Variants in TET3 observed in about 807,000 individuals in gnomAD.
TET3 encodes tet methylcytosine dioxygenase 3, also known as methylcytosine dioxygenase TET3.
Under a neutral mutation model 141.4 loss-of-function variants are expected in TET3, and 19 were observed. The observed-to-expected ratio is 0.13, with a 90% confidence interval of 0.09 to 0.20. The LOEUF is 0.20. TET3 is among the 10% of genes least tolerant of loss of function. TET3 has a pLI of 1.00. For synonymous variants in TET3, 1,043 were observed against 980.9 expected (o/e 1.06, Z -1.18); for missense variants, 1,874 against 2,356.9 (o/e 0.80, Z 4.24).
At chr2:74,060,904 A>G (rs1688475797) in intron 4 of TET3, among the ~76,000 whole-genome samples, 2 of 152,300 alleles carry the variant, frequency 1.3e-5, no homozygotes, top group East Asian at 1.9e-4. Context: ...AAAGTCTCCC[A>G]TGTCTACCTC....
chr2:73,987,666 G>A (rs960919285), intron 2 of TET3, among the ~76,000 whole-genome samples: 1 of 152,198 alleles, frequency 6.6e-6, no homozygotes, highest in African/African-American at 2.4e-5. Flanking sequence ...CGCTGTCTTC[G>A]AGCTCCCCCT....
At chr2:74,010,852 T>C (rs956675208) in intron 3 of TET3, among the ~76,000 whole-genome samples, 5 of 152,242 alleles carry the variant, frequency 3.3e-5, no homozygotes, top group African/African-American at 1.2e-4. Context: ...CATGAGACTG[T>C]TCCATGAGTT....
At chr2:74,052,827 G>A (rs762509787) in intron 4 of TET3, among the ~76,000 whole-genome samples, 9 of 152,110 alleles carry the variant, frequency 5.9e-5, no homozygotes, top group Non-Finnish European at 7.4e-5. Flanking sequence ...CTGAGATCAC[G>A]CCACTGCACT....
chr2:74,057,156 A>C (rs1053120136), intron 4 of TET3, among the ~76,000 whole-genome samples: 6 of 152,214 alleles, frequency 3.9e-5, no homozygotes, highest in African/African-American at 1.4e-4. Context: ...AAGAAAAAAT[A>C]TATGCTGAAC....
intron 4 of TET3, among the ~76,000 whole-genome samples, chr2:74,053,377 C>T (rs758935868): frequency 2.0e-5 from 3 of 152,120 alleles, no homozygotes; most frequent in East Asian, 1.9e-4. Flanking sequence ...CAGTTTAGGA[C>T]GGAGAATGAA....
chr2:74,014,120 T>C (rs1432861891), intron 3 of TET3, among the ~76,000 whole-genome samples: 1 of 152,186 alleles, frequency 6.6e-6, no homozygotes, highest in Non-Finnish European at 1.5e-5. Flanking sequence ...TGCTGTTTTC[T>C]AAAGTATTAA....
At chr2:74,082,333 G>C (rs543480614) in intron 6 of TET3, among the ~76,000 whole-genome samples, 39 of 152,282 alleles carry the variant, frequency 2.6e-4, no homozygotes, top group Admixed American at 2.3e-3. Flanking sequence ...GGAAGAGGAA[G>C]GCAGGAGGAT....
chr2:74,007,949 G>A (rs978661114), intron 3 of TET3, among the ~76,000 whole-genome samples: 2 of 152,192 alleles, frequency 1.3e-5, no homozygotes. Flanking sequence ...TCAGTGAGGC[G>A]AGCCAAGTGA....
chr2:74,034,258 T>A (rs1390147294), intron 3 of TET3, among the ~76,000 whole-genome samples: 3 of 151,394 alleles, frequency 2.0e-5, no homozygotes, highest in East Asian at 3.8e-4. Flanking sequence ...TTTTTTTTTT[T>A]ATGTATTACT....
chr2:74,088,139 T>A, intron 7 of TET3, 101 bp downstream of exon 7: 2 of 1,190,116 alleles, frequency 1.7e-6, no homozygotes, highest in Non-Finnish European at 2.3e-6. Flanking sequence ...CTAGGGGCCC[T>A]CTCTGCGGCA....
intron 4 of TET3, among the ~76,000 whole-genome samples, chr2:74,055,078 G>A (rs764377059): frequency 6.6e-6 from 1 of 151,986 alleles, no homozygotes; most frequent in Non-Finnish European, 1.5e-5. Context: ...TAAATTTTTT[G>A]TAGAGGAGAT....
intron 3 of TET3, among the ~76,000 whole-genome samples, chr2:74,029,653 T>C (rs1310024534): frequency 6.6e-6 from 1 of 152,158 alleles, no homozygotes; most frequent in African/African-American, 2.4e-5. Context: ...CAGTGGGAGA[T>C]TTTTACATCT....
rs1228412208 is a variant in TET3, at chr2:74,047,255, C to T, written c.1338C>T (p.Pro446=). Reference sequence around the variant, plus strand: ...GCACTGACACCCCTCCAGCAACGCCCCGGAGCTCCTGGCCCATGCCTCGCC... The same window carrying T: ...GCACTGACACCCCTCCAGCAACGCCTCGGAGCTCCTGGCCCATGCCTCGCC... The part of the protein sequence containing the change: ...AWGTDTPPAT[P]RSSWPMPRPS... The change falls in exon 4 of 12, where the codon CCC becomes CCT. Residue 446 remains proline, a synonymous_variant. Coordinates refer to ENST00000409262, the MANE Select transcript of TET3 (RefSeq NM_001287491.2). 1.2e-6 allele frequency: 2 copies of T among 1,614,010 alleles called. No homozygotes were observed. The highest frequency in any genetic ancestry group is 1.7e-6 in the Non-Finnish European group (2 of 1,179,898).
intron 3 of TET3, among the ~76,000 whole-genome samples, chr2:74,024,235 T>C (rs976869396): frequency 6.6e-6 from 1 of 152,236 alleles, no homozygotes; most frequent in Non-Finnish European, 1.5e-5. Context: ...GCCCTACTCG[T>C]TTGCAGACCA....
chr2:74,121,302 C>G, the TET3 span: 1 of 152,038 alleles, frequency 6.6e-6, no homozygotes, highest in African/African-American at 2.4e-5. Flanking sequence ...CCAGAAAATA[C>G]AAGAGATAGA....
At chr2:74,022,101 T>TTA (rs1422762462) in intron 3 of TET3, among the ~76,000 whole-genome samples, 2 of 149,766 alleles carry the variant, frequency 1.3e-5, no homozygotes, top group African/African-American at 4.9e-5. Flanking sequence ...ACACTTTTTT[T>TTA]TTTTTTTTTT....
At chr2:74,002,932 C>T (rs970963489) in intron 2 of TET3, 178 bp from the exon 3 acceptor site, 3 of 640,424 alleles carry the variant, frequency 4.7e-6, no homozygotes, top group Non-Finnish European at 8.4e-6. Context: ...GCCTGTCTGC[C>T]GTGATCCAGG....
chr2:74,026,476 G>T (rs2105270762), intron 3 of TET3, among the ~76,000 whole-genome samples: 1 of 152,268 alleles, frequency 6.6e-6, no homozygotes, highest in East Asian at 1.9e-4. Context: ...GGAGCAGGTT[G>T]CCTGTTCTCG....
intron 3 of TET3, among the ~76,000 whole-genome samples, chr2:74,035,036 CAAAAAA>C (rs70965777): frequency 8.7e-6 from 1 of 114,334 alleles, no homozygotes; most frequent in Non-Finnish European, 1.8e-5. Context: ...CTAAAAAATA[CAAAAAA>C]AAAAAAAAAA....
Sources: allele counts gnomAD v4.1 joint callset (sites outside exome capture counted in the v4.1 genomes callset), GRCh38; gene constraint gnomAD v4.1.1; transcripts MANE v1.5; gene names NCBI Gene and HGNC (gene_info 2026-07-23, HGNC 2026-07-21).